The following ZBTB10 variants were observed in gnomAD, a reference collection of about 807,000 sequenced individuals.
ZBTB10 encodes zinc finger and BTB domain containing 10, also known as zinc finger and BTB domain-containing protein 10.
A neutral mutation model predicts 76.4 loss-of-function variants in ZBTB10; 32 were observed. The observed-to-expected ratio is 0.42, with a 90% CI of 0.32 to 0.56. The LOEUF (loss-of-function observed/expected upper bound fraction) is 0.56, where lower values mean the gene tolerates loss of function less well. Among genes scored for constraint, ZBTB10 ranks in the 20% least tolerant of loss-of-function variants. The pLI is 0.14. For synonymous variants in ZBTB10, 523 were observed against 432.9 expected, an observed-to-expected ratio of 1.21 and a Z score of -2.58; for missense variants, 1,057 against 1,098.5, an observed-to-expected ratio of 0.96 and a Z score of 0.53.
intron 2 of ZBTB10, among the ~76,000 whole-genome samples, chr8:80,508,207 T>C (rs1345918198): frequency 6.6e-6 from 1 of 152,232 alleles, no homozygotes; most frequent in African/African-American, 2.4e-5. Context: ...TTGTGACTTC[T>C]TCCTGCTGAA....
intron 3 of ZBTB10, among the ~76,000 whole-genome samples, chr8:80,515,669 A>G (rs184718827): frequency 2.0e-5 from 3 of 152,280 alleles, no homozygotes; most frequent in South Asian, 2.1e-4. Flanking sequence ...AACCTTTGAT[A>G]TAGGGTTATT....
Position 80,487,734 on chromosome 8 carries a change from G to A in ZBTB10, c.924G>A (p.Leu308=). The A allele has an allele frequency of 6.2e-7, 1 of 1,612,492 alleles. No homozygotes were observed. Among genetic ancestry groups the A allele is most frequent in the East Asian group, 2.2e-5 (1 of 44,878 alleles). ...GCAACTACAAGAAAACCCTCCTCCT[G>A]AGGCACCACGTCTCTACCGAGCACA... The part of the protein sequence containing the change: ...GTRNYKKTLL[L]RHHVSTEHKL... The change falls in exon 1 of 6, where the codon CTG becomes CTA. Residue 308 remains leucine, a synonymous_variant. Transcript: ENST00000455036.
intron 2 of ZBTB10, among the ~76,000 whole-genome samples, chr8:80,512,583 G>A (rs1377344546): frequency 3.3e-5 from 5 of 152,112 alleles, no homozygotes; most frequent in African/African-American, 1.2e-4. Context: ...GTGGTGGTGT[G>A]CACCTGTAGT....
At chr8:80,489,652 T>C (rs1049211922) in intron 1 of ZBTB10, among the ~76,000 whole-genome samples, 7 of 152,172 alleles carry the variant, frequency 4.6e-5, no homozygotes, top group African/African-American at 1.7e-4. Flanking sequence ...TCTGGGTATG[T>C]ATCTGCGTCT....
Position 80,486,514 on chromosome 8 carries a change from G to T in ZBTB10, c.-297G>T. 1.0e-6 allele frequency: 1 copy of T among 985,454 alleles called. No individual in the cohort carries two copies. Among genetic ancestry groups the T allele is most frequent in the Non-Finnish European group, 1.2e-6 (1 of 830,136 alleles). 61.0% of individuals were successfully genotyped at this position (985,454 alleles called of 1,614,324 possible). A position where few individuals can be genotyped will look rare whatever the true frequency, so the allele number is the denominator to read the frequency against. On this transcript the variant is annotated 5_prime_UTR_variant, in exon 1 of 6. Transcript: ENST00000455036. Reference sequence around the variant, plus strand: ...CTGCAGGCTCGCTCCTCACCTCTCCGCCGCCCGCCCCCTTCTCCGCGCGGG... The same window carrying T: ...CTGCAGGCTCGCTCCTCACCTCTCCTCCGCCCGCCCCCTTCTCCGCGCGGG...
intron 1 of ZBTB10, among the ~76,000 whole-genome samples, chr8:80,493,475 T>C (rs1240555591): frequency 6.6e-6 from 1 of 151,976 alleles, no homozygotes; most frequent in Non-Finnish European, 1.5e-5. Context: ...GCGTAGTGTG[T>C]ATGTGGGTTT....
intron 1 of ZBTB10, among the ~76,000 whole-genome samples, chr8:80,493,207 GCACACACACA>G (rs369440030): frequency 0.017 from 2,150 of 125,292 alleles, 35 homozygotes; most frequent in Middle Eastern, 0.03. Flanking sequence ...GCGCGCGCGC[GCACACACACA>G]CACACACACA....
chr8:80,507,454 T>C (rs1306865774), intron 2 of ZBTB10, among the ~76,000 whole-genome samples: 1 of 150,624 alleles, frequency 6.6e-6, no homozygotes, highest in South Asian at 2.1e-4. Flanking sequence ...CTACTAAAAA[T>C]ACAAAAAAAA....
intron 1 of ZBTB10, among the ~76,000 whole-genome samples, chr8:80,496,746 A>G (rs1416986245): frequency 1.3e-5 from 2 of 152,224 alleles, no homozygotes; most frequent in African/African-American, 4.8e-5. Flanking sequence ...AGTGTTTTCA[A>G]CTGCTTGATA....
intron 2 of ZBTB10, among the ~76,000 whole-genome samples, chr8:80,510,647 T>TGG (rs1816166736): frequency 7.7e-5 from 7 of 90,480 alleles, no homozygotes; most frequent in Admixed American, 9.7e-5. Context: ...CCAGTGTGTG[T>TGG]GTGTGTGTGT....
Position 80,519,903 on chromosome 8 carries a change from A to G in ZBTB10, c.*375A>G, listed in dbSNP as rs1816415625. Reference sequence around the variant, plus strand: ...ATCCGTTTATGGAAGTACAGTGACAATTGACCCAATCACTCTGTCCATCAA... The same window carrying G: ...ATCCGTTTATGGAAGTACAGTGACAGTTGACCCAATCACTCTGTCCATCAA... On this transcript the variant is annotated 3_prime_UTR_variant, in exon 6 of 6. Coordinates refer to ENST00000455036, the MANE Select transcript of ZBTB10 (RefSeq NM_001105539.3). 4 of 163,306 alleles carry G rather than the reference A, an allele frequency of 2.4e-5. No homozygotes were observed. Among genetic ancestry groups the G allele is most frequent in the African/African-American group, 7.2e-5 (3 of 41,780 alleles). 10.1% of individuals were successfully genotyped at this position (163,306 alleles called of 1,614,324 possible).
chr8:80,518,808 T>C lies in ZBTB10; in HGVS notation c.2164T>C (p.Leu722=), dbSNP rs1816392691. 1 of 1,612,140 alleles carries C rather than the reference T, an allele frequency of 6.2e-7. No homozygotes were observed. The highest frequency in any genetic ancestry group is 1.1e-5 in the South Asian group (1 of 90,598). The change falls in exon 5 of 6, where the codon TTA becomes CTA. Residue 722 remains leucine (L), a synonymous_variant. Coordinates refer to ENST00000455036, the MANE Select transcript of ZBTB10 (RefSeq NM_001105539.3). ...NGESSLIMNK[L]KCPHCSYVAK... is the part of the protein sequence containing the mutation. Reference sequence around the variant, plus strand: ...TGAATCATCTCTAATCATGAACAAGTTAAAATGCCCTCATTGTAGCTATGT... The same window carrying C: ...TGAATCATCTCTAATCATGAACAAGCTAAAATGCCCTCATTGTAGCTATGT...
Position 80,521,645 on chromosome 8 carries a change from C to A in ZBTB10, c.*2117C>A, listed in dbSNP as rs988863217. 6.6e-6 allele frequency: 1 copy of A among 151,798 alleles called. No homozygotes were observed. The highest frequency in any genetic ancestry group is 1.5e-5 in the Non-Finnish European group (1 of 67,704). The allele number at this position is 151,798 out of a possible 1,614,324, so 9.4% of individuals were successfully genotyped here. A position where few individuals can be genotyped will look rare whatever the true frequency, so the allele number is the denominator to read the frequency against. On this transcript the variant is annotated 3_prime_UTR_variant, in exon 6 of 6. Transcript: ENST00000455036. ...CATTCTTAATGTACTTTTACTTTTCCTCAAGATATGAACTTACTCTCTTGA... is the reference window on the plus strand; with the variant it reads ...CATTCTTAATGTACTTTTACTTTTCATCAAGATATGAACTTACTCTCTTGA...
chr8:80,516,498 TAGGTTGACCTCCAC>T (rs1816328564), intron 3 of ZBTB10, among the ~76,000 whole-genome samples: 3 of 152,142 alleles, frequency 2.0e-5, no homozygotes. Context: ...AAACTAACAG[TAGGTTGACCTCCAC>T]AGGCTACCAC....
rs1816480949 is a variant in ZBTB10, at chr8:80,523,068, C to A, written c.*3540C>A. ...TTGAGTGCCCACACTTGCCGTTGTGCTGTATACATGATTTTACCTTAATCC... is the reference window on the plus strand; with the variant it reads ...TTGAGTGCCCACACTTGCCGTTGTGATGTATACATGATTTTACCTTAATCC... On this transcript the variant is annotated 3_prime_UTR_variant, in exon 6 of 6. Coordinates refer to ENST00000455036, the MANE Select transcript of ZBTB10 (RefSeq NM_001105539.3). The A allele has an allele frequency of 6.6e-6, 1 of 151,550 alleles. No individual in the cohort carries two copies. Among genetic ancestry groups the A allele is most frequent in the Non-Finnish European group, 1.5e-5 (1 of 67,772 alleles). 9.4% of individuals were successfully genotyped at this position (151,550 alleles called of 1,614,324 possible). A position where few individuals can be genotyped will look rare whatever the true frequency, so the allele number is the denominator to read the frequency against.
Position 80,486,758 on chromosome 8 carries a change from C to A in ZBTB10, c.-53C>A. ...CCGCGGGGAGCGCGCGGGACGCGGC[C>A]CGAGGCCGTGCGCGAGCCGGGGCAC... On this transcript the variant is annotated 5_prime_UTR_variant, in exon 1 of 6. Transcript: ENST00000455036. 1 of 1,258,068 alleles carries A rather than the reference C, an allele frequency of 7.9e-7. No individual in the cohort carries two copies. The allele number at this position is 1,258,068 out of a possible 1,614,324, so 77.9% of individuals were successfully genotyped here.
In ZBTB10 at chr8:80,487,544, A is replaced by G; in HGVS notation, c.734A>G (p.Lys245Arg). The change falls in exon 1 of 6, where the codon AAG (lysine) becomes AGG (arginine). Residue 245 changes from lysine (K) to arginine (R), a missense_variant. Physicochemically the swap from Lys to Arg is conservative, Grantham distance 26. This residue lies in a region of ZBTB10 where 556 missense variants were observed against 451.7 expected (regional missense o/e 1.23). Transcript: ENST00000455036. ...GCGCGGCCCAAGTCTCTAATGCAGA[A>G]GCTCCAATGCTCCTTCCAGACCTCC... ...PLARPKSLMQ[K>R]LQCSFQTSWL... is the part of the protein sequence containing the mutation. 1.3e-6 allele frequency: 2 copies of G among 1,596,428 alleles called. No individual in the cohort carries two copies. Among genetic ancestry groups the G allele is most frequent in the Non-Finnish European group, 1.7e-6 (2 of 1,171,398 alleles).
intron 3 of ZBTB10, among the ~76,000 whole-genome samples, 177 bp downstream of exon 3, chr8:80,514,185 C>T (rs1053221620): frequency 2.0e-5 from 3 of 152,048 alleles, no homozygotes; most frequent in Admixed American, 1.3e-4. Context: ...TTGATGTTTC[C>T]GGTTTTGTAT....
In ZBTB10 at chr8:80,522,095, C is replaced by T. The variant is rs1816460272; in HGVS notation, c.*2567C>T. 1 of 151,790 alleles carries T rather than the reference C, an allele frequency of 6.6e-6. No homozygotes were observed. Among genetic ancestry groups the T allele is most frequent in the South Asian group, 2.1e-4 (1 of 4,814 alleles). 9.4% of individuals were successfully genotyped at this position (151,790 alleles called of 1,614,324 possible). On this transcript the variant is annotated 3_prime_UTR_variant, in exon 6 of 6. Transcript: ENST00000455036. The stretch of plus-strand genomic sequence containing the variant: ...TGCCTAACTTATTTTGTTTCATGAT[C>T]TCGAGGGACTGCCTTTTCCCATCTA...
Sources: allele counts gnomAD v4.1 joint callset (sites outside exome capture counted in the v4.1 genomes callset), GRCh38; gene constraint gnomAD v4.1.1; regional missense constraint gnomAD v4.1.1; transcripts MANE v1.5; gene names NCBI Gene and HGNC (gene_info 2026-07-23, HGNC 2026-07-21).